Variants in GRAP2 observed in about 807,000 individuals in gnomAD.
GRAP2 encodes GRB2-related adapter protein 2.
GRAP2 carries 31 observed loss-of-function variants against 43.5 expected under a neutral mutation model. The ratio of observed to expected loss-of-function variants is 0.71; its 90% confidence interval spans 0.54 to 0.96. The LOEUF (loss-of-function observed/expected upper bound fraction) is 0.96. Ranked by LOEUF, GRAP2 falls within the 40% of genes least tolerant of loss-of-function variation. The pLI is 0.00. For missense variants in GRAP2, 371 were observed against 424.4 expected, an observed-to-expected ratio of 0.87 and a Z score of 1.11; for synonymous variants, 156 against 164.8, an observed-to-expected ratio of 0.95 and a Z score of 0.41.
chr22:39,917,370 A>G (rs1011180995), intron 1 of GRAP2, among the ~76,000 whole-genome samples: 3 of 152,142 alleles, frequency 2.0e-5, no homozygotes, highest in African/African-American at 7.2e-5. Context: ...AATTTCACTA[A>G]CAACACGCCT....
intron 1 of GRAP2, among the ~76,000 whole-genome samples, chr22:39,918,194 G>A (rs1320101726): frequency 1.3e-5 from 2 of 152,180 alleles, no homozygotes; most frequent in East Asian, 3.8e-4. Context: ...TTCTACTGGG[G>A]AGGGAGCTCT....
intron 5 of GRAP2, 34 bp from the exon 6 acceptor site, chr22:39,968,008 G>A: frequency 1.3e-6 from 2 of 1,597,508 alleles, no homozygotes; most frequent in Non-Finnish European, 1.7e-6. Flanking sequence ...CAGAGAGGAG[G>A]ATGCATCTGC....
chr22:39,947,880 G>A (rs2145637767), intron 2 of GRAP2: 1 of 152,412 alleles, frequency 6.6e-6, no homozygotes, highest in African/African-American at 2.4e-5. Context: ...TTGTTTGTTT[G>A]CAAAAGAGCA....
intron 1 of GRAP2, among the ~76,000 whole-genome samples, chr22:39,904,844 C>T (rs1209093803): frequency 1.3e-5 from 2 of 152,220 alleles, no homozygotes; most frequent in East Asian, 1.9e-4. Context: ...CGCCAGTTCT[C>T]TTGTACCAGG....
chr22:39,907,999 T>C (rs1196488107), intron 1 of GRAP2, among the ~76,000 whole-genome samples: 1 of 152,336 alleles, frequency 6.6e-6, no homozygotes, highest in Admixed American at 6.5e-5. Context: ...GAGCCCTCGA[T>C]GGGCTTCTGG....
At chr22:39,949,276 C>G (rs1279032759) in intron 2 of GRAP2, among the ~76,000 whole-genome samples, 3 of 152,146 alleles carry the variant, frequency 2.0e-5, no homozygotes, top group Non-Finnish European at 4.4e-5. Flanking sequence ...TCCTGGTGAC[C>G]AGTAACCAAC....
Position 39,960,075 on chromosome 22 carries a change from C to T in GRAP2, c.191C>T (p.Ser64Phe). The change falls in exon 4 of 8, where the codon TCT (serine) becomes TTT (phenylalanine). Residue 64 changes from serine to phenylalanine, a missense_variant. By Grantham distance (155) the Ser-to-Phe change is radical. Transcript: ENST00000344138. ...CACAGATGGTTTCACGAAGGCCTCT[C>T]TCGACACCAGGCAGAGAACTTACTC... ...QFPKWFHEGL[S>F]RHQAENLLMG... 1 of 1,613,416 alleles carries T rather than the reference C, an allele frequency of 6.2e-7. No homozygotes were observed. Among genetic ancestry groups the T allele is most frequent in the Non-Finnish European group, 8.5e-7 (1 of 1,179,328 alleles).
At chr22:39,918,463 C>A (rs1382421970) in intron 1 of GRAP2, among the ~76,000 whole-genome samples, 1 of 152,126 alleles carries the variant, frequency 6.6e-6, no homozygotes, top group Non-Finnish European at 1.5e-5. Context: ...AAGTCTCTGC[C>A]GTGTTTCGAC....
At position 39,936,144 on chromosome 22, in the gene GRAP2, A is replaced by ATGTC. The variant is rs575687297; in HGVS notation, c.-14-10931_-14-10928dup. Among the ~76,000 whole-genome samples, 48 of 152,132 alleles carry ATGTC rather than the reference A, an allele frequency of 3.2e-4. 1 individual carries two copies. The highest frequency in any genetic ancestry group is 1.5e-3 in the East Asian group (8 of 5,172). On this transcript the variant is annotated intron_variant, in intron 1 of 7. Coordinates refer to ENST00000344138, the MANE Select transcript of GRAP2 (RefSeq NM_004810.4). ...AAAATGAAGCCTGGAGATTTGTAAA[A>ATGTC]TGTCTGTCTGTCTGTCTGTCTCTCT...
chr22:39,958,945 T>C (rs2067086831), intron 3 of GRAP2, among the ~76,000 whole-genome samples: 2 of 152,204 alleles, frequency 1.3e-5, no homozygotes, highest in Non-Finnish European at 2.9e-5. Context: ...CAGTCTCCAG[T>C]AAGTACATCC....
intron 1 of GRAP2, among the ~76,000 whole-genome samples, chr22:39,939,455 A>G (rs546677285): frequency 8.7e-5 from 13 of 149,070 alleles, no homozygotes; most frequent in African/African-American, 2.7e-4. Flanking sequence ...CCAGCTACTC[A>G]GGAGGCTGAG....
At chr22:39,956,715 C>T (rs1482663676) in intron 3 of GRAP2, among the ~76,000 whole-genome samples, 3 of 152,014 alleles carry the variant, frequency 2.0e-5, no homozygotes, top group Admixed American at 1.3e-4. Context: ...GTGATCCACC[C>T]GCCTCGGCCT....
At chr22:39,926,484 GA>G (rs918651851) in intron 1 of GRAP2, 20,514 of 240,858 alleles carry the variant, frequency 0.085, 1 homozygote, top group Middle Eastern at 0.097. Context: ...CCCAACAAAA[GA>G]AAAAAAAAAA....
intron 1 of GRAP2, among the ~76,000 whole-genome samples, chr22:39,917,399 A>T (rs1461071329): frequency 6.6e-6 from 1 of 152,186 alleles, no homozygotes; most frequent in South Asian, 2.1e-4. Flanking sequence ...CACCTGCCAG[A>T]TGCTTCTCGT....
intron 4 of GRAP2, among the ~76,000 whole-genome samples, chr22:39,961,816 G>A (rs982081797): frequency 6.6e-6 from 1 of 152,206 alleles, no homozygotes; most frequent in African/African-American, 2.4e-5. Flanking sequence ...AAGGCATAAA[G>A]CTTTGTTTTA....
chr22:39,953,907 C>G (rs745668665), intron 2 of GRAP2, among the ~76,000 whole-genome samples: 9 of 152,184 alleles, frequency 5.9e-5, no homozygotes, highest in Non-Finnish European at 1.2e-4. Flanking sequence ...GCCATCGCAC[C>G]CAGCCAGAGC....
chr22:39,922,353 T>C (rs536459485), intron 1 of GRAP2, among the ~76,000 whole-genome samples: 15 of 152,250 alleles, frequency 9.9e-5, no homozygotes, highest in African/African-American at 3.4e-4. Context: ...ATGGCAAGAA[T>C]TGAGGAGTAC....
rs190902702 is a variant in GRAP2 at position 39,906,655 on chromosome 22, G to T, written c.-15+5325G>T. On this transcript the variant is annotated intron_variant, in intron 1 of 7. Coordinates refer to ENST00000344138, the MANE Select transcript of GRAP2 (RefSeq NM_004810.4). ...TTTTTTAATGAAAAGCAGCCTAATT[G>T]ATCAATTGGTCATGAATAATACTTC... Among the ~76,000 whole-genome samples, 362 of 152,206 alleles carry T rather than the reference G, an allele frequency of 2.4e-3. 1 individual carries two copies. Among genetic ancestry groups the T allele is most frequent in the Non-Finnish European group, 4.1e-3 (281 of 68,028 alleles).
chr22:39,928,628 C>T (rs2066727777), intron 1 of GRAP2, among the ~76,000 whole-genome samples: 2 of 152,164 alleles, frequency 1.3e-5, no homozygotes, highest in Admixed American at 6.5e-5. Flanking sequence ...ATACTAACTC[C>T]CTCCTAATCC....
Sources: allele counts gnomAD v4.1 joint callset (sites outside exome capture counted in the v4.1 genomes callset), GRCh38; gene constraint gnomAD v4.1.1; transcripts MANE v1.5; gene names NCBI Gene and HGNC (gene_info 2026-07-23, HGNC 2026-07-21).